Variants in CSNK2A2 observed in about 807,000 individuals in gnomAD.
CSNK2A2 encodes casein kinase 2 alpha 2, also known as casein kinase II subunit alpha'.
Under a neutral mutation model 54.0 loss-of-function variants are expected in CSNK2A2, and 8 were observed. The ratio of observed to expected loss-of-function variants is 0.15; its 90% CI spans 0.09 to 0.27. CSNK2A2 has a LOEUF of 0.27. Ranked by LOEUF, CSNK2A2 falls within the 10% of genes least tolerant of loss-of-function variation. The pLI is 1.00. For missense variants in CSNK2A2, 242 were observed against 439.4 expected, an observed-to-expected ratio of 0.55 and a Z score of 4.02; for synonymous variants, 141 against 153.9, an observed-to-expected ratio of 0.92 and a Z score of 0.62.
chr16:58,180,090 A>G (rs1482383873), intron 4 of CSNK2A2, among the ~76,000 whole-genome samples: 2 of 151,454 alleles, frequency 1.3e-5, no homozygotes, highest in African/African-American at 2.4e-5. Context: ...AAAAAAAAAA[A>G]AAAAAGAAAA....
intron 2 of CSNK2A2, among the ~76,000 whole-genome samples, chr16:58,187,748 A>C (rs1002889782): frequency 1.3e-5 from 2 of 152,256 alleles, no homozygotes; most frequent in African/African-American, 4.8e-5. Context: ...TTAATAAGTC[A>C]TTGTGATTCC....
intron 9 of CSNK2A2, 115 bp downstream of exon 9, chr16:58,166,469 A>G: frequency 1.6e-6 from 1 of 620,600 alleles, no homozygotes; most frequent in East Asian, 2.7e-5. Context: ...ATAGGAAAAA[A>G]GAGGGCTACT....
intron 11 of CSNK2A2, among the ~76,000 whole-genome samples, chr16:58,158,614 G>A (rs1038481086): frequency 2.6e-5 from 4 of 152,160 alleles, no homozygotes; most frequent in Non-Finnish European, 4.4e-5. Flanking sequence ...CGTGTGTTGT[G>A]ACCAGGTCTT....
At chr16:58,181,785 A>G (rs1962049842) in intron 4 of CSNK2A2, among the ~76,000 whole-genome samples, 1 of 152,170 alleles carries the variant, frequency 6.6e-6, no homozygotes, top group Non-Finnish European at 1.5e-5. Flanking sequence ...AACACAGGGG[A>G]AAAAGCCCAG....
chr16:58,159,891 T>C (rs1274468001), intron 11 of CSNK2A2: 1 of 151,966 alleles, frequency 6.6e-6, no homozygotes, highest in Non-Finnish European at 1.5e-5. Context: ...TGTTAATTTA[T>C]TGATTCAAAG....
intron 4 of CSNK2A2, among the ~76,000 whole-genome samples, chr16:58,174,816 T>C (rs941140357): frequency 2.6e-5 from 4 of 152,226 alleles, no homozygotes; most frequent in Non-Finnish European, 5.9e-5. Flanking sequence ...AATTACACCA[T>C]TGTGAAGTCT....
chr16:58,178,922 T>C (rs943646228), intron 4 of CSNK2A2, among the ~76,000 whole-genome samples: 6 of 152,158 alleles, frequency 3.9e-5, no homozygotes, highest in Admixed American at 2.6e-4. Flanking sequence ...CTGAACATAG[T>C]GCAATCAAAT....
Position 58,197,645 on chromosome 16 carries a change from A to G in CSNK2A2, c.92T>C (p.Val31Ala). Residue 31 changes from valine to alanine, a missense_variant, in exon 1 of 12, where the codon GTC becomes GCC. By Grantham distance (64) the Val-to-Ala change is moderately conservative. This residue lies in a region of CSNK2A2 where 48 missense variants were observed against 55.4 expected (regional missense o/e 0.87). Transcript: ENST00000262506. The surrounding 1 kb of genome is among the most constrained non-coding windows in gnomAD (Gnocchi z 4.0). ...SREYWDYEAH[V>A]PSWGNQDDYQ... is the part of the protein sequence containing the mutation. ...GCGACGGCTTTACCCCCAGCTCGGG[A>G]CGTGAGCCTCGTAGTCCCAGTACTC... is the stretch of plus-strand genomic sequence containing the variant. The G allele has an allele frequency of 6.4e-7, 1 of 1,569,314 alleles. No homozygotes were observed. The highest frequency in any genetic ancestry group is 8.6e-7 in the Non-Finnish European group (1 of 1,161,306).
At chr16:58,164,476 T>C (rs1428707683) in intron 10 of CSNK2A2, among the ~76,000 whole-genome samples, 1 of 152,148 alleles carries the variant, frequency 6.6e-6, no homozygotes, top group Non-Finnish European at 1.5e-5. Context: ...ACCCCTAATT[T>C]CTTCAAAGCA....
intron 9 of CSNK2A2, 150 bp from the exon 10 acceptor site, chr16:58,165,858 T>C: frequency 1.3e-6 from 1 of 742,382 alleles, no homozygotes; most frequent in Non-Finnish European, 2.1e-6. Flanking sequence ...GGCCCCATAG[T>C]TACAGCATAG....
At chr16:58,166,706 C>G in intron 8 of CSNK2A2, 22 bp from the exon 9 acceptor site, 1 of 1,558,588 alleles carries the variant, frequency 6.4e-7, no homozygotes, top group Non-Finnish European at 8.8e-7. Context: ...AACAAACTGA[C>G]CAAATCACTG....
intron 7 of CSNK2A2, 121 bp from the exon 8 acceptor site, chr16:58,167,429 A>T (rs561394921): frequency 9.3e-5 from 65 of 697,778 alleles, no homozygotes; most frequent in Admixed American, 2.0e-4. Flanking sequence ...TAATTTATTT[A>T]AAAAAAATTT....
At chr16:58,170,900 A>C (rs1312725555) in intron 5 of CSNK2A2, among the ~76,000 whole-genome samples, 1 of 152,084 alleles carries the variant, frequency 6.6e-6, no homozygotes, top group Non-Finnish European at 1.5e-5. Flanking sequence ...CATAAACTTC[A>C]AATTCAGGAC....
intron 4 of CSNK2A2, among the ~76,000 whole-genome samples, chr16:58,183,996 G>A (rs561899008): frequency 6.6e-5 from 10 of 152,300 alleles, no homozygotes; most frequent in African/African-American, 1.2e-4. Flanking sequence ...TAAAACAGGA[G>A]TGTTACAGAT....
At chr16:58,186,517 G>T (rs1233626696) in intron 3 of CSNK2A2, among the ~76,000 whole-genome samples, 1 of 152,176 alleles carries the variant, frequency 6.6e-6, no homozygotes, top group Non-Finnish European at 1.5e-5. Flanking sequence ...AATCAAAATA[G>T]TGAAGTACAA....
At chr16:58,188,906 T>C (rs1962259342) in intron 2 of CSNK2A2, among the ~76,000 whole-genome samples, 1 of 152,094 alleles carries the variant, frequency 6.6e-6, no homozygotes, top group African/African-American at 2.4e-5. Flanking sequence ...CTGCAACTTT[T>C]TTTAAGTCCA....
intron 4 of CSNK2A2, 61 bp from the exon 5 acceptor site, chr16:58,174,571 G>T: frequency 7.4e-7 from 1 of 1,347,772 alleles, no homozygotes; most frequent in Non-Finnish European, 1.1e-6. Context: ...GTCATCCTAA[G>T]TGCAGGCCAT....
rs1962480388 is a variant in CSNK2A2 at position 58,197,245 on chromosome 16, C to A, written c.104+388G>T. The A allele has an allele frequency of 3.6e-6, 1 of 280,288 alleles. No homozygotes were observed. The highest frequency in any genetic ancestry group is 2.2e-5 in the African/African-American group (1 of 46,288). 17.4% of individuals were successfully genotyped at this position (280,288 alleles called of 1,614,324 possible). A position where few individuals can be genotyped will look rare whatever the true frequency, so the allele number is the denominator to read the frequency against. On this transcript the variant is annotated intron_variant, in intron 1 of 11. Coordinates refer to ENST00000262506, the MANE Select transcript of CSNK2A2 (RefSeq NM_001896.4). The surrounding 1 kb of genome is among the most constrained non-coding windows in gnomAD (Gnocchi z 4.0). ...TCTTTAAGAAATTTCCTCCCACCACCTCATCTCAGAAAACCTAAAAGGCAG... is the reference window on the plus strand; with the variant it reads ...TCTTTAAGAAATTTCCTCCCACCACATCATCTCAGAAAACCTAAAAGGCAG...
chr16:58,174,073 C>T (rs1961812454), intron 5 of CSNK2A2: 1 of 160,892 alleles, frequency 6.2e-6, no homozygotes, highest in Non-Finnish European at 1.3e-5. Flanking sequence ...CAACTGAGAC[C>T]TAAAGAATCA....
Sources: gnomAD v4.1 joint callset for allele counts (sites outside exome capture counted in the v4.1 genomes callset) on GRCh38, gnomAD v4.1.1 for gene constraint, gnomAD v4.1.1 regional missense constraint, Gnocchi (gnomAD v3.1) non-coding constraint, MANE v1.5 for transcripts, NCBI Gene and HGNC (gene_info 2026-07-23, HGNC 2026-07-21) for gene names.